Variants in SREK1 observed in about 807,000 individuals in gnomAD.
The protein encoded by SREK1 is splicing regulatory glutamine/lysine-rich protein 1.
A neutral mutation model predicts 66.5 loss-of-function variants in SREK1; 13 were observed. The observed-to-expected ratio is 0.20, with a 90% CI of 0.13 to 0.31. The LOEUF (loss-of-function observed/expected upper bound fraction) is 0.31. Ranked by LOEUF, SREK1 falls within the 10% of genes least tolerant of loss-of-function variation. The pLI, the probability that SREK1 is intolerant of heterozygous loss-of-function variation, is 1.00. For synonymous variants in SREK1, 265 were observed against 263.5 expected (o/e 1.01, Z -0.05); for missense variants, 607 against 769.6 (o/e 0.79, Z 2.50).
rs59257281 is a variant in SREK1 at position 66,157,804 on chromosome 5, A to C, written c.296-1415A>C. The C allele has an allele frequency of 2.6e-3, 1,794 of 687,816 alleles. 28 individuals are homozygous for C. In the African/African-American group the frequency reaches 0.031, roughly 12 times the overall value. 42.6% of individuals were successfully genotyped at this position (687,816 alleles called of 1,614,324 possible). A position where few individuals can be genotyped will look rare whatever the true frequency, so the allele number is the denominator to read the frequency against. On this transcript the variant is annotated intron_variant, in intron 2 of 11. Transcript: ENST00000334121. ...TAGTAGGTTTTATTTGCTTCCTATAAATAAGGCATAGCCATTATTTAAATC... is the reference window on the plus strand; with the variant it reads ...TAGTAGGTTTTATTTGCTTCCTATACATAAGGCATAGCCATTATTTAAATC...
At chr5:66,173,943 T>A (rs1377988854) in intron 9 of SREK1, among the ~76,000 whole-genome samples, 1 of 152,062 alleles carries the variant, frequency 6.6e-6, no homozygotes, top group Non-Finnish European at 1.5e-5. Flanking sequence ...GTTCTCAGAG[T>A]TCTTGAGCTT....
At chr5:66,163,943 C>T in intron 6 of SREK1, 21 bp downstream of exon 6, 2 of 1,608,410 alleles carry the variant, frequency 1.2e-6, no homozygotes, top group Non-Finnish European at 1.7e-6. Context: ...AACGTTGTTA[C>T]ATAGGTCATA....
At chr5:66,153,711 G>A (rs1336814908) in intron 2 of SREK1, 115 bp downstream of exon 2, 9 of 1,376,844 alleles carry the variant, frequency 6.5e-6, no homozygotes, top group Non-Finnish European at 8.9e-6. Context: ...GTGAAAGTAA[G>A]AATGAAATTT....
chr5:66,150,410 A>C (rs1166617315), intron 1 of SREK1, among the ~76,000 whole-genome samples: 1 of 152,250 alleles, frequency 6.6e-6, no homozygotes, highest in African/African-American at 2.4e-5. Flanking sequence ...CAAATGGAAC[A>C]GCATATATGA....
At chr5:66,172,995 G>A (rs1580672772) in intron 9 of SREK1, among the ~76,000 whole-genome samples, 1 of 151,540 alleles carries the variant, frequency 6.6e-6, no homozygotes, top group East Asian at 2.0e-4. Flanking sequence ...ACACTCAACT[G>A]ATTTTTGTAT....
At chr5:66,163,581 C>T (rs773642208) in intron 5 of SREK1, 26 of 382,364 alleles carry the variant, frequency 6.8e-5, no homozygotes, top group Admixed American at 5.7e-4. Flanking sequence ...TTTCTTTTCT[C>T]CCTGCTTTTG....
Position 66,159,332 on chromosome 5 carries a change from A to G in SREK1, c.409A>G (p.Thr137Ala). Reference protein sequence around the residue: ...LPIPTPNPLTTLGVSLSSLGA... With the variant: ...LPIPTPNPLTALGVSLSSLGA... ...AATACCGACCCCAAATCCTTTGACT[A>G]CTGTAAGTACTATAAGCTGGCTTAT... Residue 137 changes from threonine to alanine, a missense_variant and splice_region_variant, in exon 3 of 12, where the codon ACT (threonine) becomes GCT (alanine). By Grantham distance (58) the Thr-to-Ala change is moderately conservative. This residue lies in a region of SREK1 where 99 missense variants were observed against 186.6 expected (regional missense o/e 0.53). Transcript: ENST00000334121. The G allele has an allele frequency of 6.2e-7, 1 of 1,606,346 alleles. No individual in the cohort carries two copies. Among genetic ancestry groups the G allele is most frequent in the Non-Finnish European group, 8.5e-7 (1 of 1,176,782 alleles).
intron 1 of SREK1, among the ~76,000 whole-genome samples, chr5:66,147,768 C>A (rs1743389339): frequency 6.6e-6 from 1 of 152,158 alleles, no homozygotes; most frequent in Non-Finnish European, 1.5e-5. Context: ...CTCTCCATTT[C>A]CCTGTAGTCC....
intron 1 of SREK1, chr5:66,144,756 G>T: frequency 8.0e-7 from 1 of 1,244,260 alleles, no homozygotes; most frequent in Non-Finnish European, 1.0e-6. Context: ...CCTTACCAAG[G>T]ATTTAGAATG....
chr5:66,170,288 GA>G lies in SREK1; in HGVS notation c.1121+119del, dbSNP rs1435410606. 1.1e-5 allele frequency: 14 copies of G among 1,301,288 alleles called. No homozygotes were observed. In the Admixed American group the frequency reaches 3.9e-4, roughly 36 times the overall value. The allele number at this position is 1,301,288 out of a possible 1,614,324, so 80.6% of individuals were successfully genotyped here. A position where few individuals can be genotyped will look rare whatever the true frequency, so the allele number is the denominator to read the frequency against. ...ATCTGTTGTGGTTTAGGTTTTTAAT[GA>G]GAGAAATTAAACCTTTTTTATTGTT... On this transcript the variant is annotated intron_variant, in intron 8 of 11. Transcript: ENST00000334121.
At position 66,159,247 on chromosome 5, in the gene SREK1, C is replaced by T; in HGVS notation, c.324C>T (p.Leu108=). 6.2e-7 allele frequency: 1 copy of T among 1,613,154 alleles called. No individual in the cohort carries two copies. Among genetic ancestry groups the T allele is most frequent in the African/African-American group, 1.3e-5 (1 of 74,978 alleles). Residue 108 remains leucine (L), a synonymous_variant, in exon 3 of 12, where the codon CTC becomes CTT. Coordinates refer to ENST00000334121, the MANE Select transcript of SREK1 (RefSeq NM_001077199.3). Reference sequence around the variant, plus strand: ...AAATCCCAGAGGAATCCAAAGCCCTCTCTTTATTGGCTCCTGCTCCAACCA... The same window carrying T: ...AAATCCCAGAGGAATCCAAAGCCCTTTCTTTATTGGCTCCTGCTCCAACCA... ...EGKIPEESKA[L]SLLAPAPTMT...
intron 7 of SREK1, chr5:66,169,017 C>G (rs1745399255): frequency 6.6e-6 from 1 of 152,160 alleles, no homozygotes; most frequent in Non-Finnish European, 1.5e-5. Context: ...AGCCAGAGTT[C>G]TCACAGGTAG....
intron 5 of SREK1, chr5:66,162,868 C>T (rs978046529): frequency 5.1e-5 from 13 of 254,968 alleles, no homozygotes; most frequent in East Asian, 7.6e-5. Context: ...GGTCTTTTTC[C>T]ATAAACTTTA....
chr5:66,144,606 G>T, intron 1 of SREK1, 69 bp downstream of exon 1: 1 of 1,483,114 alleles, frequency 6.7e-7, no homozygotes. Flanking sequence ...GAGGCGTGGA[G>T]GAGAGCGCGG....
intron 2 of SREK1, chr5:66,156,259 T>G (rs940534642): frequency 4.6e-6 from 6 of 1,307,980 alleles, no homozygotes; most frequent in Non-Finnish European, 5.8e-6. Flanking sequence ...ATTTTGTCCC[T>G]TTTTTTGTTT....
At chr5:66,174,886 A>G in intron 9 of SREK1, 60 bp from the exon 10 acceptor site, 1 of 1,516,414 alleles carries the variant, frequency 6.6e-7, no homozygotes, top group East Asian at 2.3e-5. Context: ...GCTTTTGTAT[A>G]TTTGAATTGC....
intron 10 of SREK1, 110 bp downstream of exon 10, chr5:66,175,151 C>T (rs1745956986): frequency 1.2e-6 from 1 of 828,212 alleles, no homozygotes; most frequent in African/African-American, 1.7e-5. Flanking sequence ...ATGAATAATA[C>T]ATATGCATTA....
At position 66,179,134 on chromosome 5, in the gene SREK1, G is replaced by C. The variant is rs559040141; in HGVS notation, c.*266G>C. 1 of 253,996 alleles carries C rather than the reference G, an allele frequency of 3.9e-6. No homozygotes were observed. The highest frequency in any genetic ancestry group is 7.5e-6 in the Non-Finnish European group (1 of 134,060). 15.7% of individuals were successfully genotyped at this position (253,996 alleles called of 1,614,324 possible). On this transcript the variant is annotated 3_prime_UTR_variant, in exon 12 of 12. Coordinates refer to ENST00000334121, the MANE Select transcript of SREK1 (RefSeq NM_001077199.3). ...GGCTGACACACTTGTCATGTGGTCTGTTAGTGTTTGCCAAGAACCATTGCA... is the reference window on the plus strand; with the variant it reads ...GGCTGACACACTTGTCATGTGGTCTCTTAGTGTTTGCCAAGAACCATTGCA...
rs1219207913 is a variant in SREK1 at position 66,149,144 on chromosome 5, GAGT to G, written c.162-4318_162-4316del. Reference sequence around the variant, plus strand: ...CGAGGCAGGCGGATCACGAGGTCAGGAGTTCGAGACCTGTCTGGCCAACATAGT... The same window carrying G: ...CGAGGCAGGCGGATCACGAGGTCAGGTCGAGACCTGTCTGGCCAACATAGT... On this transcript the variant is annotated intron_variant, in intron 1 of 11. Coordinates refer to ENST00000334121, the MANE Select transcript of SREK1 (RefSeq NM_001077199.3). Among the ~76,000 whole-genome samples the G allele has an allele frequency of 2.0e-5, 3 of 152,146 alleles. No homozygotes were observed. In the East Asian group the frequency reaches 5.8e-4, roughly 29 times the overall value.
Sources: allele counts gnomAD v4.1 joint callset (sites outside exome capture counted in the v4.1 genomes callset), GRCh38; gene constraint gnomAD v4.1.1; regional missense constraint gnomAD v4.1.1; transcripts MANE v1.5; gene names NCBI Gene and HGNC (gene_info 2026-07-23, HGNC 2026-07-21).